SLC6A2: variants seen among roughly 807,000 people sequenced by gnomAD.
SLC6A2 encodes solute carrier family 6 member 2, also known as sodium-dependent noradrenaline transporter.
In SLC6A2, 26 loss-of-function variants were observed where a neutral mutation model predicts 71.7. The ratio of observed to expected loss-of-function variants is 0.36; its 90% CI spans 0.27 to 0.50. The LOEUF is 0.50. Ranked by LOEUF, SLC6A2 falls within the 20% of genes least tolerant of loss-of-function variation. The pLI is 0.96. For synonymous variants in SLC6A2, 363 were observed against 337.9 expected, an observed-to-expected ratio of 1.07 and a Z score of -0.82; for missense variants, 581 against 803.9, an observed-to-expected ratio of 0.72 and a Z score of 3.35.
chr16:55,700,055 C>G, intron 12 of SLC6A2, 84 bp from the exon 13 acceptor site: 1 of 1,197,774 alleles, frequency 8.3e-7, no homozygotes, highest in Non-Finnish European at 1.2e-6. Flanking sequence ...TCTCTCCCAC[C>G]TTTCTTCCAC....
rs56249611 is a variant in SLC6A2, at chr16:55,705,749, C to A, written c.*3403C>A. The A allele has an allele frequency of 0.023, 3,592 of 152,874 alleles. 133 individuals are homozygous for A. Among genetic ancestry groups the A allele is most frequent in the African/African-American group, 0.081 (3,369 of 41,588 alleles). The allele number at this position is 152,874 out of a possible 1,614,324, so 9.5% of individuals were successfully genotyped here. Reference sequence around the variant, plus strand: ...GAATTTCCCAAAATGAACTGATGACCAGTGATCTCTCTATCAGAGAAATGT... The same window carrying A: ...GAATTTCCCAAAATGAACTGATGACAAGTGATCTCTCTATCAGAGAAATGT... On this transcript the variant is annotated 3_prime_UTR_variant, in exon 15 of 15. Coordinates refer to ENST00000568943, the MANE Select transcript of SLC6A2 (RefSeq NM_001172501.3).
At chr16:55,659,066 G>T (rs1481455614) in intron 2 of SLC6A2, among the ~76,000 whole-genome samples, 1 of 152,158 alleles carries the variant, frequency 6.6e-6, no homozygotes, top group African/African-American at 2.4e-5. Context: ...CTTGTCTCTA[G>T]ACAGTGGAAG....
chr16:55,662,581 T>G (rs1354574320), intron 2 of SLC6A2, among the ~76,000 whole-genome samples: 1 of 152,194 alleles, frequency 6.6e-6, no homozygotes, highest in Non-Finnish European at 1.5e-5. Flanking sequence ...CTCTGATGTG[T>G]TTCTCTTAAA....
intron 5 of SLC6A2, among the ~76,000 whole-genome samples, chr16:55,690,601 C>A (rs1392944026): frequency 1.3e-5 from 2 of 152,132 alleles, no homozygotes; most frequent in Non-Finnish European, 2.9e-5. Flanking sequence ...TTGACCTTAG[C>A]CTGATTTTTC....
At chr16:55,673,006 T>G (rs1257262036) in intron 4 of SLC6A2, among the ~76,000 whole-genome samples, 1 of 152,224 alleles carries the variant, frequency 6.6e-6, no homozygotes, top group East Asian at 1.9e-4. Context: ...TGATACACTG[T>G]TAGCTAACAA....
intron 4 of SLC6A2, among the ~76,000 whole-genome samples, chr16:55,674,022 A>G (rs879481899): frequency 1.3e-5 from 2 of 152,014 alleles, no homozygotes; most frequent in Non-Finnish European, 2.9e-5. Context: ...TGTTGTTATT[A>G]TTATTATTTA....
Position 55,697,893 on chromosome 16 carries a change from C to A in SLC6A2, c.1261-4C>A. The A allele has an allele frequency of 6.2e-7, 1 of 1,614,034 alleles. No individual in the cohort carries two copies. Among genetic ancestry groups the A allele is most frequent in the South Asian group, 1.1e-5 (1 of 91,066 alleles). On this transcript the variant is annotated splice_region_variant and splice_polypyrimidine_tract_variant and intron_variant, in intron 9 of 14. Transcript: ENST00000568943. The stretch of plus-strand genomic sequence containing the variant: ...TGCACCCCACCCCTCCTGGTTCCCT[C>A]CAGATGGGAGGCATGGAGGCTGTCA...
chr16:55,670,028 G>A (rs1964861361), intron 3 of SLC6A2, among the ~76,000 whole-genome samples: 1 of 152,174 alleles, frequency 6.6e-6, no homozygotes, highest in Non-Finnish European at 1.5e-5. Context: ...TGCTCCCATG[G>A]CAGGCGTTAG....
At chr16:55,691,897 C>T (rs1343937250) in intron 5 of SLC6A2, 21 bp from the exon 6 acceptor site, 1 of 1,614,046 alleles carries the variant, frequency 6.2e-7, no homozygotes, top group Admixed American at 1.7e-5. Context: ...AGGCTCTCAC[C>T]TGAACTTATC....
At chr16:55,663,975 C>A (rs1050703525) in intron 2 of SLC6A2, among the ~76,000 whole-genome samples, 5 of 152,144 alleles carry the variant, frequency 3.3e-5, no homozygotes, top group Non-Finnish European at 7.3e-5. Flanking sequence ...AACAGACAGG[C>A]CTTGCTGGGC....
intron 3 of SLC6A2, 178 bp from the exon 4 acceptor site, chr16:55,671,760 T>A (rs1964922449): frequency 7.3e-7 from 1 of 1,372,402 alleles, no homozygotes; most frequent in Non-Finnish European, 9.7e-7. Flanking sequence ...CCCCAAAATC[T>A]GTGGAAAAAT....
intron 5 of SLC6A2, among the ~76,000 whole-genome samples, chr16:55,686,976 C>T (rs1460264787): frequency 1.3e-5 from 2 of 152,134 alleles, no homozygotes; most frequent in Non-Finnish European, 2.9e-5. Flanking sequence ...CATAGGAGAC[C>T]TACTGTGTAC....
At chr16:55,697,746 A>T (rs560406149) in intron 9 of SLC6A2, 151 bp from the exon 10 acceptor site, 25 of 730,594 alleles carry the variant, frequency 3.4e-5, no homozygotes, top group Non-Finnish European at 5.8e-5. Flanking sequence ...TGACGAGAGG[A>T]TGGGGAAGGC....
chr16:55,666,762 T>G (rs1964761175), intron 2 of SLC6A2, among the ~76,000 whole-genome samples: 1 of 151,966 alleles, frequency 6.6e-6, no homozygotes, highest in Non-Finnish European at 1.5e-5. Flanking sequence ...CACCCAGAGG[T>G]TTAGAGTTGA....
At chr16:55,669,523 G>T (rs373769546) in intron 2 of SLC6A2, 42 bp from the exon 3 acceptor site, 127 of 1,611,936 alleles carry the variant, frequency 7.9e-5, no homozygotes, top group Non-Finnish European at 9.3e-5. Context: ...ACTGGGAGGG[G>T]CAGGGGTCTG....
rs201774381 is a variant in SLC6A2, at chr16:55,702,747, C to CTCCAAG, written c.*401_*402insTCCAAG. ...TGGGCTTTTGATCAGATACCCCTCC[C>CTCCAAG]AAAAAAAAAAAAAACTAAAACTAAA... On this transcript the variant is annotated 3_prime_UTR_variant, in exon 15 of 15. Transcript: ENST00000568943. 1.3e-6 allele frequency: 1 copy of CTCCAAG among 780,430 alleles called. No homozygotes were observed. The highest frequency in any genetic ancestry group is 2.4e-5 in the African/African-American group (1 of 42,032). 48.3% of individuals were successfully genotyped at this position (780,430 alleles called of 1,614,324 possible). A position where few individuals can be genotyped will look rare whatever the true frequency, so the allele number is the denominator to read the frequency against.
At chr16:55,699,088 C>A (rs930684365) in intron 11 of SLC6A2, among the ~76,000 whole-genome samples, 2 of 152,094 alleles carry the variant, frequency 1.3e-5, no homozygotes, top group African/African-American at 4.8e-5. Flanking sequence ...TTTGTTTTTC[C>A]CCACCAAGTG....
At position 55,702,747 on chromosome 16, in the gene SLC6A2, C is replaced by CCAAAAAA. The variant is rs201774381; in HGVS notation, c.*401_*402insCAAAAAA. 6 of 920,680 alleles carry CCAAAAAA rather than the reference C, an allele frequency of 6.5e-6. No homozygotes were observed. In the African/African-American group the frequency reaches 1.1e-4, roughly 17 times the overall value. The allele number at this position is 920,680 out of a possible 1,614,324, so 57.0% of individuals were successfully genotyped here. A position where few individuals can be genotyped will look rare whatever the true frequency, so the allele number is the denominator to read the frequency against. ...TGGGCTTTTGATCAGATACCCCTCCCAAAAAAAAAAAAAACTAAAACTAAA... is the reference window on the plus strand; with the variant it reads ...TGGGCTTTTGATCAGATACCCCTCCCCAAAAAAAAAAAAAAAAAAAACTAAAACTAAA... On this transcript the variant is annotated 3_prime_UTR_variant, in exon 15 of 15. Coordinates refer to ENST00000568943, the MANE Select transcript of SLC6A2 (RefSeq NM_001172501.3).
chr16:55,684,839 A>G (rs1965395589), intron 4 of SLC6A2, among the ~76,000 whole-genome samples: 1 of 152,138 alleles, frequency 6.6e-6, no homozygotes, highest in South Asian at 2.1e-4. Flanking sequence ...TTCCCTATTT[A>G]TTACTCCAAG....
Sources: gnomAD v4.1 joint callset for allele counts (sites outside exome capture counted in the v4.1 genomes callset) on GRCh38, gnomAD v4.1.1 for gene constraint, MANE v1.5 for transcripts, NCBI Gene and HGNC (gene_info 2026-07-23, HGNC 2026-07-21) for gene names.